The following FILIP1 variants were observed in gnomAD, a reference collection of about 807,000 sequenced individuals.
The protein encoded by FILIP1 is filamin-A-interacting protein 1.
A neutral mutation model predicts 102.1 loss-of-function variants in FILIP1; 61 were observed. The ratio of observed to expected loss-of-function variants is 0.60; its 90% CI spans 0.49 to 0.74. FILIP1 has a LOEUF of 0.74. Ranked by LOEUF, FILIP1 falls within the 30% of genes least tolerant of loss-of-function variation. The probability of loss-of-function intolerance (pLI) is 0.00; values close to 1 mark genes in which losing one functional copy is unlikely to be tolerated. For synonymous variants in FILIP1, 491 were observed against 526.9 expected (o/e 0.93, Z 0.93); for missense variants, 1,314 against 1,441.2 (o/e 0.91, Z 1.43).
intron 2 of FILIP1, among the ~76,000 whole-genome samples, chr6:75,410,399 T>A (rs1343140764): frequency 1.3e-5 from 2 of 152,016 alleles, no homozygotes; most frequent in African/African-American, 4.8e-5. Context: ...TTTTGAGATT[T>A]TTTTTTTTTA....
intron 1 of FILIP1, among the ~76,000 whole-genome samples, chr6:75,481,841 T>C (rs1779656977): frequency 6.6e-6 from 1 of 152,156 alleles, no homozygotes; most frequent in South Asian, 2.1e-4. Flanking sequence ...TCTCACACAA[T>C]AATAGTGAGA....
chr6:75,440,947 A>T (rs1246405720), intron 1 of FILIP1, among the ~76,000 whole-genome samples: 3 of 140,524 alleles, frequency 2.1e-5, no homozygotes, highest in African/African-American at 7.9e-5. Flanking sequence ...CGACGTCTCA[A>T]AAAAAAAAAA....
At chr6:75,310,722 A>G (rs941808097) in intron 5 of FILIP1, among the ~76,000 whole-genome samples, 1 of 152,248 alleles carries the variant, frequency 6.6e-6, no homozygotes, top group Admixed American at 6.5e-5. Flanking sequence ...TTTTTATAAA[A>G]TGCAGCAGAA....
chr6:75,342,540 TTTAGTAAATTCA>T, intron 4 of FILIP1, among the ~76,000 whole-genome samples: 1 of 152,246 alleles, frequency 6.6e-6, no homozygotes, highest in Non-Finnish European at 1.5e-5. Context: ...CCTAGTTTCC[TTTAGTAAATTCA>T]GACTTCAGTC....
Position 75,313,346 on chromosome 6 carries a change from T to G in FILIP1, c.2486A>C (p.Gln829Pro), listed in dbSNP as rs781382151. 6.2e-7 allele frequency: 1 copy of G among 1,614,272 alleles called. No homozygotes were observed. Among genetic ancestry groups the G allele is most frequent in the Admixed American group, 1.7e-5 (1 of 60,034 alleles). ...TPAVFIRKSF[Q>P]EENHIMSNLR... ...ATTACTCATAATATGATTTTCTTCC[T>G]GGAAGGATTTCCGTATGAATACAGC... is the stretch of plus-strand genomic sequence containing the variant. The change falls in exon 5 of 6, where the codon CAG (glutamine) becomes CCG (proline). Residue 829 changes from glutamine (Q) to proline (P), a missense_variant. Gln to Pro is a moderately conservative substitution (Grantham distance 76, BLOSUM62 -1). Coordinates refer to ENST00000237172, the MANE Select transcript of FILIP1 (RefSeq NM_015687.5). This position sits in a 1 kb window ranked among gnomAD's most constrained non-coding sequence, Gnocchi z 4.2.
intron 2 of FILIP1, among the ~76,000 whole-genome samples, chr6:75,413,567 G>C (rs1369069620): frequency 6.6e-6 from 1 of 151,962 alleles, no homozygotes; most frequent in African/African-American, 2.4e-5. Context: ...ATGATAACAG[G>C]AACAGAGTGA....
chr6:75,340,861 A>ATTTTTTTTTTTTTTTTTTTTTTTTT (rs59666589), intron 4 of FILIP1, among the ~76,000 whole-genome samples: 2 of 94,308 alleles, frequency 2.1e-5, no homozygotes, highest in Non-Finnish European at 4.0e-5. Flanking sequence ...ATGCTCAGGA[A>ATTTTTTTTTTTTTTTTTTTTTTTTT]TTTTTTTTTT....
At chr6:75,407,644 A>G (rs1259996883) in intron 2 of FILIP1, among the ~76,000 whole-genome samples, 1 of 152,200 alleles carries the variant, frequency 6.6e-6, no homozygotes, top group East Asian at 1.9e-4. Context: ...TCTCTGACTT[A>G]GCCTGGAAAA....
chr6:75,432,515 G>C (rs563429240), intron 1 of FILIP1, among the ~76,000 whole-genome samples: 29 of 152,252 alleles, frequency 1.9e-4, no homozygotes, highest in African/African-American at 6.7e-4. Context: ...AGGTGAATGA[G>C]TTATTTCCAA....
intron 2 of FILIP1, among the ~76,000 whole-genome samples, chr6:75,373,560 C>T (rs1377047241): frequency 6.6e-6 from 1 of 152,078 alleles, no homozygotes; most frequent in Non-Finnish European, 1.5e-5. Context: ...CCATTTCAGC[C>T]TCCCAAAGTG....
chr6:75,324,608 C>A (rs762267523), intron 4 of FILIP1, among the ~76,000 whole-genome samples: 1 of 152,068 alleles, frequency 6.6e-6, no homozygotes, highest in Non-Finnish European at 1.5e-5. Flanking sequence ...TTATATGGAA[C>A]CAAAAAAGAG....
chr6:75,484,740 A>G (rs935185757), intron 1 of FILIP1, among the ~76,000 whole-genome samples: 14 of 152,296 alleles, frequency 9.2e-5, no homozygotes, highest in African/African-American at 3.4e-4. Context: ...GGTTTCCTGT[A>G]AGGTATAGCT....
At chr6:75,335,387 T>C (rs1562473010) in intron 4 of FILIP1, among the ~76,000 whole-genome samples, 1 of 152,212 alleles carries the variant, frequency 6.6e-6, no homozygotes, top group Non-Finnish European at 1.5e-5. Context: ...GTTAAAGAAG[T>C]GTCTGTTTCA....
At chr6:75,403,531 G>GAAAA (rs1426629589) in intron 2 of FILIP1, among the ~76,000 whole-genome samples, 1 of 49,684 alleles carries the variant, frequency 2.0e-5, no homozygotes, top group Non-Finnish European at 4.2e-5. Flanking sequence ...AAAAAAAAAA[G>GAAAA]AAAAAGAAAA....
intron 4 of FILIP1, among the ~76,000 whole-genome samples, chr6:75,328,764 AG>A (rs1054738019): frequency 2.4e-4 from 36 of 152,200 alleles, no homozygotes; most frequent in Non-Finnish European, 4.7e-4. Context: ...CTGGGATTAC[AG>A]GCATGAGCCA....
chr6:75,471,159 CAAAAAAAAAAAAAA>C (rs67671264), intron 1 of FILIP1, among the ~76,000 whole-genome samples: 2 of 72,294 alleles, frequency 2.8e-5, no homozygotes, highest in Admixed American at 3.9e-4. Flanking sequence ...GACCTTGTCT[CAAAAAAAAAAAAAA>C]AAAAAAAAAA....
At chr6:75,472,522 A>G (rs1298328293) in intron 1 of FILIP1, among the ~76,000 whole-genome samples, 4 of 152,152 alleles carry the variant, frequency 2.6e-5, no homozygotes, top group Non-Finnish European at 5.9e-5. Context: ...GACTAATTGA[A>G]TTTGGCTTTT....
intron 4 of FILIP1, among the ~76,000 whole-genome samples, chr6:75,345,449 T>C (rs937339859): frequency 6.6e-6 from 1 of 151,802 alleles, no homozygotes; most frequent in Non-Finnish European, 1.5e-5. Flanking sequence ...TGCCAGCAGA[T>C]GTGCCCGTAG....
intron 1 of FILIP1, among the ~76,000 whole-genome samples, chr6:75,442,051 G>A (rs1273770377): frequency 1.3e-5 from 2 of 151,848 alleles, no homozygotes; most frequent in African/African-American, 2.4e-5. Flanking sequence ...GCGGCTGCCG[G>A]GTGGAGGGGC....
Sources: allele counts gnomAD v4.1 joint callset (sites outside exome capture counted in the v4.1 genomes callset), GRCh38; gene constraint gnomAD v4.1.1; non-coding constraint Gnocchi (gnomAD v3.1); transcripts MANE v1.5; gene names NCBI Gene and HGNC (gene_info 2026-07-23, HGNC 2026-07-21).